The following C3orf33 variants were observed in gnomAD, a reference collection of about 807,000 sequenced individuals.
C3orf33 encodes the protein mitochondrial inner membrane subdomain organizer 1, also known as AP-1 activity suppressor.
In C3orf33, 23 loss-of-function variants were observed where a neutral mutation model predicts 28.7. The ratio of observed to expected loss-of-function variants is 0.80; its 90% CI spans 0.58 to 1.13. C3orf33 has a LOEUF of 1.13. C3orf33 is among the 50% of genes most tolerant of loss of function. The pLI is 0.00. For missense variants in C3orf33, 327 were observed against 353.4 expected, an observed-to-expected ratio of 0.93 and a Z score of 0.60; for synonymous variants, 119 against 120.5, an observed-to-expected ratio of 0.99 and a Z score of 0.08.
At position 155,780,236 on chromosome 3, in the gene C3orf33, T is replaced by G. The variant is rs557326659; in HGVS notation, c.175-4388A>C. Among the ~76,000 whole-genome samples, 15 of 152,264 alleles carry G rather than the reference T, an allele frequency of 9.9e-5. No homozygotes were observed. The East Asian group carries it at 2.9e-3, about 29-fold the overall frequency. ...CAGAAAGATGATGCTGCTACAAGGA[T>G]GCTGTGTCTAAGCTTCAGACGGTGA... is the stretch of plus-strand genomic sequence containing the variant. On this transcript the variant is annotated intron_variant, in intron 2 of 4. Coordinates refer to ENST00000340171, the MANE Select transcript of C3orf33 (RefSeq NM_001308229.2).
At chr3:155,789,350 A>C (rs1559996544) in intron 2 of C3orf33, among the ~76,000 whole-genome samples, 4 of 151,696 alleles carry the variant, frequency 2.6e-5, no homozygotes, top group Non-Finnish European at 5.9e-5. Flanking sequence ...GTCTCAAAAA[A>C]AAAAAAAAAA....
At chr3:155,796,689 G>C (rs1051101899) in intron 2 of C3orf33, among the ~76,000 whole-genome samples, 2 of 152,168 alleles carry the variant, frequency 1.3e-5, no homozygotes, top group Non-Finnish European at 2.9e-5. Flanking sequence ...GTATTACCCT[G>C]ATACCAAAAC....
intron 1 of C3orf33, among the ~76,000 whole-genome samples, chr3:155,804,858 A>G (rs1385178792): frequency 3.3e-5 from 5 of 152,176 alleles, no homozygotes; most frequent in Non-Finnish European, 5.9e-5. Context: ...ACCGGACCCC[A>G]TATCCAGTTG....
chr3:155,801,834 T>A (rs1751659922), intron 2 of C3orf33, among the ~76,000 whole-genome samples: 1 of 152,208 alleles, frequency 6.6e-6, no homozygotes, highest in African/African-American at 2.4e-5. Flanking sequence ...CACTGCAACC[T>A]CTGCCTCCCA....
intron 3 of C3orf33, 81 bp downstream of exon 3, chr3:155,775,620 C>T (rs1750720575): frequency 8.0e-6 from 8 of 1,002,410 alleles, no homozygotes; most frequent in Non-Finnish European, 1.1e-5. Flanking sequence ...ATTAAAATGA[C>T]TTTTTTTTGC....
chr3:155,767,650 C>G lies in C3orf33; in HGVS notation c.342G>C (p.Leu114Phe). 1.3e-6 allele frequency: 2 copies of G among 1,571,242 alleles called. No individual in the cohort carries two copies. The highest frequency in any genetic ancestry group is 8.7e-7 in the Non-Finnish European group (1 of 1,154,274). Residue 114 changes from leucine (L) to phenylalanine (F), a missense_variant, in exon 4 of 5, where the codon TTG becomes TTC. By Grantham distance (22) the Leu-to-Phe change is conservative. Transcript: ENST00000340171. ...GTTCTACTCCAGCCAACTTAACCAG[C>G]AAAGCACCACGTGGCTCTTCTAAAA... ...ASLRKEPRGA[L>F]LVKLAGVELA...
intron 2 of C3orf33, among the ~76,000 whole-genome samples, chr3:155,788,108 G>A (rs893974219): frequency 2.0e-5 from 3 of 151,586 alleles, no homozygotes; most frequent in Admixed American, 6.6e-5. Context: ...GGAGAATGGC[G>A]TGAACCTGGG....
chr3:155,798,006 G>A (rs780478211), intron 2 of C3orf33, among the ~76,000 whole-genome samples: 2 of 151,792 alleles, frequency 1.3e-5, no homozygotes, highest in Non-Finnish European at 2.9e-5. Flanking sequence ...AGGAGGTGGA[G>A]GTTTCAGTGA....
chr3:155,798,268 A>C lies in C3orf33; in HGVS notation c.174+4264T>G, dbSNP rs528449859. 2.0e-5 allele frequency among the ~76,000 whole-genome samples: 3 copies of C among 152,258 alleles called. No homozygotes were observed. In the South Asian group the frequency reaches 6.2e-4, roughly 32 times the overall value. ...TGGCATTCTTCACAGAAACAGAAAA[A>C]ACAATCCTCAAATTTCTATGGAGCC... On this transcript the variant is annotated intron_variant, in intron 2 of 4. Transcript: ENST00000340171.
chr3:155,794,244 G>GT (rs1306285493), intron 2 of C3orf33, among the ~76,000 whole-genome samples: 1 of 152,092 alleles, frequency 6.6e-6, no homozygotes, highest in Non-Finnish European at 1.5e-5. Context: ...GCCTCCCAAA[G>GT]TGCTGGGATT....
At chr3:155,799,055 A>T (rs529328675) in intron 2 of C3orf33, among the ~76,000 whole-genome samples, 1 of 152,356 alleles carries the variant, frequency 6.6e-6, no homozygotes, top group East Asian at 1.9e-4. Context: ...GAGAAATGCA[A>T]ATCAAAACTA....
intron 3 of C3orf33, among the ~76,000 whole-genome samples, chr3:155,773,590 G>A (rs1750653306): frequency 6.6e-6 from 1 of 152,148 alleles, no homozygotes; most frequent in South Asian, 2.1e-4. Flanking sequence ...CAGATTCTAT[G>A]TACCAAATTA....
At position 155,769,006 on chromosome 3, in the gene C3orf33, T is replaced by C. The variant is rs112773510; in HGVS notation, c.323-1337A>G. On this transcript the variant is annotated intron_variant, in intron 3 of 4. Transcript: ENST00000340171. Reference sequence around the variant, plus strand: ...GTCTGGCCAACATGGTGAAACCCCATCTCTACTAAAAATACAAAAATTAAG... The same window carrying C: ...GTCTGGCCAACATGGTGAAACCCCACCTCTACTAAAAATACAAAAATTAAG... Among the ~76,000 whole-genome samples the C allele has an allele frequency of 1.7e-3, 256 of 152,032 alleles. 3 individuals are homozygous for C. Among genetic ancestry groups the C allele is most frequent in the African/African-American group, 5.3e-3 (220 of 41,442 alleles).
intron 2 of C3orf33, among the ~76,000 whole-genome samples, chr3:155,778,301 C>T (rs1559991993): frequency 1.3e-5 from 2 of 151,886 alleles, no homozygotes; most frequent in South Asian, 4.2e-4. Flanking sequence ...TGAATATGAA[C>T]TTTATTTTAT....
intron 3 of C3orf33, among the ~76,000 whole-genome samples, chr3:155,767,885 CT>C (rs1750463894): frequency 6.7e-6 from 1 of 150,310 alleles, no homozygotes; most frequent in East Asian, 1.9e-4. Flanking sequence ...ATTTTTTTTT[CT>C]TTTTTCTTTT....
In C3orf33 at chr3:155,806,202, T is replaced by C; in HGVS notation, c.51A>G (p.Gly17=). 6.0e-6 allele frequency: 9 copies of C among 1,494,300 alleles called. No individual in the cohort carries two copies. The highest frequency in any genetic ancestry group is 2.6e-5 in the East Asian group (1 of 38,152). 92.6% of individuals were successfully genotyped at this position (1,494,300 alleles called of 1,614,324 possible). The change falls in exon 1 of 5, where the codon GGA becomes GGG. Residue 17 remains glycine, a synonymous_variant. Transcript: ENST00000340171. ...ATGSPSADKD[G]MEPNVVARIS... ...TCCGAGCCACGACGTTGGGCTCCAT[T>C]CCGTCCTTGTCGGCAGACGGCGAGC... is the stretch of plus-strand genomic sequence containing the variant.
At chr3:155,771,017 C>CTGTGTG (rs71138678) in intron 3 of C3orf33, among the ~76,000 whole-genome samples, 5,527 of 109,610 alleles carry the variant, frequency 0.05, 445 homozygotes, top group African/African-American at 0.089. Context: ...TGCTCTGCCA[C>CTGTGTG]TGTGTGTGTG....
At chr3:155,780,327 G>T (rs1478230138) in intron 2 of C3orf33, among the ~76,000 whole-genome samples, 1 of 152,064 alleles carries the variant, frequency 6.6e-6, no homozygotes, top group Non-Finnish European at 1.5e-5. Flanking sequence ...AGAAAATAAG[G>T]GTTTCAAATT....
At chr3:155,771,777 C>A (rs1577414321) in intron 3 of C3orf33, among the ~76,000 whole-genome samples, 1 of 152,128 alleles carries the variant, frequency 6.6e-6, no homozygotes, top group Admixed American at 6.6e-5. Context: ...TTCAATAAAT[C>A]TTTTATACAA....
Sources: allele counts gnomAD v4.1 joint callset (sites outside exome capture counted in the v4.1 genomes callset), GRCh38; gene constraint gnomAD v4.1.1; transcripts MANE v1.5; gene names NCBI Gene and HGNC (gene_info 2026-07-23, HGNC 2026-07-21).